Variants in VAC14 observed in about 807,000 individuals in gnomAD.
VAC14 encodes the protein protein VAC14 homolog.
VAC14 carries 47 observed loss-of-function variants against 85.3 expected under a neutral mutation model. The observed-to-expected ratio is 0.55, with a 90% CI of 0.44 to 0.70. The LOEUF (loss-of-function observed/expected upper bound fraction) is 0.70. VAC14 is among the 30% of genes least tolerant of loss of function. VAC14 has a pLI of 0.00. For synonymous variants in VAC14, 447 were observed against 430.5 expected (o/e 1.04, Z -0.47); for missense variants, 861 against 1,004.3 (o/e 0.86, Z 1.93).
chr16:70,758,274 C>T (rs1174302815), intron 12 of VAC14, among the ~76,000 whole-genome samples: 2 of 152,082 alleles, frequency 1.3e-5, no homozygotes, highest in African/African-American at 2.4e-5. Flanking sequence ...GAGGGGGTTA[C>T]GCTTTCTCTT....
At chr16:70,738,018 G>A (rs576461494) in intron 13 of VAC14, among the ~76,000 whole-genome samples, 2 of 152,334 alleles carry the variant, frequency 1.3e-5, no homozygotes, top group East Asian at 3.9e-4. Flanking sequence ...CCGCTCAGGG[G>A]AGGCAGCACC....
At chr16:70,731,472 G>A (rs1336268178) in intron 14 of VAC14, 23 bp downstream of exon 14, 3 of 1,607,036 alleles carry the variant, frequency 1.9e-6, no homozygotes, top group Non-Finnish European at 2.5e-6. Flanking sequence ...AGGAAGAGGA[G>A]AAAGCGCGCC....
intron 14 of VAC14, among the ~76,000 whole-genome samples, chr16:70,717,116 T>C (rs2054183313): frequency 6.6e-6 from 1 of 152,234 alleles, no homozygotes; most frequent in African/African-American, 2.4e-5. Context: ...TCCAGAACCA[T>C]GACGGCCCAT....
chr16:70,711,582 C>T (rs536729629), intron 14 of VAC14, among the ~76,000 whole-genome samples: 72 of 152,246 alleles, frequency 4.7e-4, no homozygotes, highest in African/African-American at 1.6e-3. Context: ...AAGACCTGTG[C>T]TTGGACTCTC....
chr16:70,753,281 C>T (rs75680103), intron 12 of VAC14, among the ~76,000 whole-genome samples: 18 of 152,134 alleles, frequency 1.2e-4, no homozygotes, highest in Non-Finnish European at 1.8e-4. Context: ...AGTGGGGGGA[C>T]GGTCCCAGTC....
chr16:70,734,851 G>C (rs1236902691), intron 13 of VAC14, among the ~76,000 whole-genome samples: 1 of 151,680 alleles, frequency 6.6e-6, no homozygotes, highest in African/African-American at 2.4e-5. Flanking sequence ...TATATACACA[G>C]AGGAGCTGTG....
chr16:70,770,177 G>A, intron 10 of VAC14: 1 of 152,282 alleles, frequency 6.6e-6, no homozygotes, highest in Non-Finnish European at 1.5e-5. Context: ...CGGGGGTCTG[G>A]CTCACACCAA....
chr16:70,789,954 G>A (rs988435930), intron 1 of VAC14, among the ~76,000 whole-genome samples: 5 of 152,140 alleles, frequency 3.3e-5, no homozygotes, highest in African/African-American at 1.2e-4. Context: ...GGCCACCCTG[G>A]AGCCACCTCC....
At chr16:70,707,141 TC>T (rs560582783) in intron 14 of VAC14, among the ~76,000 whole-genome samples, 1 of 152,128 alleles carries the variant, frequency 6.6e-6, no homozygotes, top group Non-Finnish European at 1.5e-5. Context: ...ATCCTGCCCC[TC>T]CCCCTCTGCT....
intron 9 of VAC14, chr16:70,779,021 C>CA (rs999193479): frequency 6.6e-6 from 1 of 152,218 alleles, no homozygotes; most frequent in Non-Finnish European, 1.5e-5. Context: ...CAGGAGCTGC[C>CA]AAAAAGCTTT....
chr16:70,755,553 C>A (rs1175451640), intron 12 of VAC14, among the ~76,000 whole-genome samples: 1 of 152,176 alleles, frequency 6.6e-6, no homozygotes, highest in Non-Finnish European at 1.5e-5. Context: ...CCTCACACCT[C>A]GGGGTAACTA....
intron 12 of VAC14, among the ~76,000 whole-genome samples, chr16:70,749,019 A>G (rs734147): frequency 0.18 from 27,987 of 152,266 alleles, 3,292 homozygotes; most frequent in Non-Finnish European, 0.26. Context: ...CATTTTGCAG[A>G]GGATGGGAGC....
chr16:70,714,702 T>C (rs2054119071), intron 14 of VAC14: 1 of 152,074 alleles, frequency 6.6e-6, no homozygotes, highest in South Asian at 2.1e-4. Flanking sequence ...GTCGAGATGG[T>C]TTTAAACTTA....
rs111712943 is a variant in VAC14, at chr16:70,748,766, G to C, written c.1372-4187C>G. Among the ~76,000 whole-genome samples, 585 of 152,252 alleles carry C rather than the reference G, an allele frequency of 3.8e-3. 2 individuals are homozygous for C. Among genetic ancestry groups the C allele is most frequent in the South Asian group, 0.015 (70 of 4,814 alleles). ...ATTCAAGACCAGCCTGGCCAACATGGTGAAACCCCCTCTCTCCTAAAAATA... is the reference window on the plus strand; with the variant it reads ...ATTCAAGACCAGCCTGGCCAACATGCTGAAACCCCCTCTCTCCTAAAAATA... On this transcript the variant is annotated intron_variant, in intron 12 of 18. Coordinates refer to ENST00000261776, the MANE Select transcript of VAC14 (RefSeq NM_018052.5).
chr16:70,754,549 C>G (rs2031669267), intron 12 of VAC14, among the ~76,000 whole-genome samples: 1 of 152,182 alleles, frequency 6.6e-6, no homozygotes, highest in African/African-American at 2.4e-5. Flanking sequence ...CCAAAAGAAG[C>G]TGCAGGGACA....
At chr16:70,736,324 C>T (rs554325351) in intron 13 of VAC14, among the ~76,000 whole-genome samples, 14 of 152,226 alleles carry the variant, frequency 9.2e-5, no homozygotes, top group South Asian at 2.1e-4. Context: ...CGTCCCATAG[C>T]GCAGAGCACT....
chr16:70,694,982 G>A (rs1174365343), intron 17 of VAC14, among the ~76,000 whole-genome samples: 1 of 152,222 alleles, frequency 6.6e-6, no homozygotes, highest in Admixed American at 6.5e-5. Flanking sequence ...AGCCTTCAAG[G>A]GGGTTCTGCT....
intron 1 of VAC14, among the ~76,000 whole-genome samples, chr16:70,794,445 A>T (rs1004275499): frequency 4.6e-5 from 7 of 151,558 alleles, no homozygotes; most frequent in South Asian, 2.1e-4. Flanking sequence ...GCTTTTTTTT[A>T]AAATAAGAAA....
chr16:70,718,772 T>C (rs180827049), intron 14 of VAC14, among the ~76,000 whole-genome samples: 110 of 152,218 alleles, frequency 7.2e-4, no homozygotes, highest in Non-Finnish European at 2.5e-4. Flanking sequence ...TCCCTGCCAC[T>C]GGCCCTGTCT....
Sources: gnomAD v4.1 joint callset for allele counts (sites outside exome capture counted in the v4.1 genomes callset) on GRCh38, gnomAD v4.1.1 for gene constraint, MANE v1.5 for transcripts, NCBI Gene and HGNC (gene_info 2026-07-23, HGNC 2026-07-21) for gene names.